ADRA1B: variants seen among roughly 807,000 people sequenced by gnomAD.
The protein encoded by ADRA1B is adrenoceptor alpha 1B, also known as alpha-1B adrenergic receptor.
ADRA1B carries 17 observed loss-of-function variants against 17.9 expected under a neutral mutation model. The ratio of observed to expected loss-of-function variants is 0.95; its 90% CI spans 0.65 to 1.42. The LOEUF is 1.42. Ranked by LOEUF, ADRA1B falls within the 40% of genes most tolerant of loss-of-function variation. The pLI, the probability that ADRA1B is intolerant of heterozygous loss-of-function variation, is 0.00. For missense variants in ADRA1B, 681 were observed against 722.1 expected (o/e 0.94, Z 0.65); for synonymous variants, 366 against 327.6 (o/e 1.12, Z -1.27).
At chr5:159,871,882 T>C (rs1227000996) in intron 1 of ADRA1B, among the ~76,000 whole-genome samples, 1 of 152,192 alleles carries the variant, frequency 6.6e-6, no homozygotes, top group Admixed American at 6.5e-5. Context: ...CAACTTTTAC[T>C]TACATGCTAT....
At chr5:159,950,742 G>T in intron 1 of ADRA1B, 1 of 650,140 alleles carries the variant, frequency 1.5e-6, no homozygotes, top group Non-Finnish European at 2.9e-6. Context: ...CATCATATTT[G>T]GCAGGTTTTT....
the ADRA1B span, among the ~76,000 whole-genome samples, chr5:159,982,947 A>T: frequency 6.6e-6 from 1 of 152,198 alleles, no homozygotes; most frequent in Non-Finnish European, 1.5e-5. Context: ...AGTTACTAAG[A>T]TGCTCTGAAC....
chr5:159,868,747 A>C (rs1753696965), intron 1 of ADRA1B: 1 of 152,186 alleles, frequency 6.6e-6, no homozygotes. Flanking sequence ...TTGTAGGTAC[A>C]ACATCCTTAC....
At position 159,917,827 on chromosome 5, in the gene ADRA1B, C is replaced by A; in HGVS notation, c.922C>A (p.Leu308Ile). ...IVVGMFILCW[L>I]PFFIALPLGS... ...GGTCGGTATGTTCATCTTGTGCTGG[C>A]TACCCTTCTTCATCGCTCTACCGCT... The change falls in exon 1 of 2, where the codon CTA (leucine) becomes ATA (isoleucine). Residue 308 changes from leucine (L) to isoleucine (I), a missense_variant. Physicochemically the swap from Leu to Ile is conservative, Grantham distance 5. This residue lies in a region of ADRA1B where 424 missense variants were observed against 480.2 expected (regional missense o/e 0.88). Transcript: ENST00000306675. The A allele has an allele frequency of 1.2e-6, 2 of 1,610,734 alleles. No homozygotes were observed.
chr5:159,884,706 AT>A (rs767321396), intron 1 of ADRA1B, among the ~76,000 whole-genome samples: 2 of 152,248 alleles, frequency 1.3e-5, no homozygotes, highest in Non-Finnish European at 2.9e-5. Context: ...TTTGAAAAAA[AT>A]GTATCAACTA....
intron 1 of ADRA1B, among the ~76,000 whole-genome samples, chr5:159,880,297 A>C (rs1370319722): frequency 6.6e-6 from 1 of 152,232 alleles, no homozygotes; most frequent in Non-Finnish European, 1.5e-5. Flanking sequence ...GAGAAGAGTA[A>C]AGGAAACATT....
the ADRA1B span, among the ~76,000 whole-genome samples, chr5:159,982,469 C>T: frequency 6.6e-6 from 1 of 152,134 alleles, no homozygotes; most frequent in Non-Finnish European, 1.5e-5. Context: ...AACACTGGGA[C>T]TAAAACCACA....
chr5:159,965,541 A>G (rs1755759533), intron 1 of ADRA1B, among the ~76,000 whole-genome samples: 1 of 152,192 alleles, frequency 6.6e-6, no homozygotes, highest in Non-Finnish European at 1.5e-5. Flanking sequence ...CCTGCCACAC[A>G]TCCTCTTACA....
intron 1 of ADRA1B, among the ~76,000 whole-genome samples, chr5:159,958,123 T>C (rs1755598424): frequency 6.6e-6 from 1 of 152,118 alleles, no homozygotes; most frequent in Admixed American, 6.5e-5. Flanking sequence ...GTGCTTAAAA[T>C]GGTCTTTCTT....
In ADRA1B at chr5:159,972,007, G is replaced by C; in HGVS notation, c.1078G>C (p.Val360Leu). 2 of 1,472,674 alleles carry C rather than the reference G, an allele frequency of 1.4e-6. No individual in the cohort carries two copies. Among genetic ancestry groups the C allele is most frequent in the Non-Finnish European group, 1.8e-6 (2 of 1,105,098 alleles). 91.2% of individuals were successfully genotyped at this position (1,472,674 alleles called of 1,614,324 possible). ...CSSKEFKRAF[V>L]RILGCQCRGR... ...CAGCAAGGAGTTCAAGCGCGCTTTC[G>C]TGCGCATCCTCGGGTGCCAGTGCCG... The change falls in exon 2 of 2, where the codon GTG becomes CTG. Residue 360 changes from valine to leucine, a missense_variant. Coordinates refer to ENST00000306675, the MANE Select transcript of ADRA1B (RefSeq NM_000679.4).
chr5:159,907,929 GTT>G lies in ADRA1B; in HGVS notation c.-255-8188_-255-8187del, dbSNP rs564295514. ...GTCTTTGTCTTTGGCATCTATAGCT[GTT>G]TGTTCTCTCTCTCTCTCTCTCTGTC... is the stretch of plus-strand genomic sequence containing the variant. On this transcript the variant is annotated intron_variant, in intron 1 of 2. Transcript: ENST00000641205. Among the ~76,000 whole-genome samples the G allele has an allele frequency of 5.6e-3, 829 of 148,580 alleles. 8 individuals carry two copies. Among genetic ancestry groups the G allele is most frequent in the African/African-American group, 0.02 (791 of 39,286 alleles).
chr5:159,939,119 C>A (rs188551531), intron 1 of ADRA1B, among the ~76,000 whole-genome samples: 363 of 152,234 alleles, frequency 2.4e-3, no homozygotes, highest in African/African-American at 8.6e-3. Flanking sequence ...CAGCAAGGGG[C>A]AGTGTCCCCA....
At chr5:159,887,628 C>T (rs1344263582) in intron 1 of ADRA1B, among the ~76,000 whole-genome samples, 2 of 152,154 alleles carry the variant, frequency 1.3e-5, no homozygotes, top group Admixed American at 6.5e-5. Context: ...AGCAATGCAT[C>T]GGCATCATAT....
chr5:159,960,483 T>C (rs1755647219), intron 1 of ADRA1B, among the ~76,000 whole-genome samples: 1 of 152,218 alleles, frequency 6.6e-6, no homozygotes, highest in Non-Finnish European at 1.5e-5. Context: ...ACAAAAATAG[T>C]TCTTAAAAGT....
the ADRA1B span, among the ~76,000 whole-genome samples, chr5:159,983,344 G>A: frequency 2.4e-4 from 36 of 152,226 alleles, no homozygotes; most frequent in African/African-American, 7.2e-4. Flanking sequence ...ATCCCCACCC[G>A]GAAAACTCCT....
chr5:159,877,337 C>CGGA (rs1753814280), intron 1 of ADRA1B, among the ~76,000 whole-genome samples: 1 of 152,166 alleles, frequency 6.6e-6, no homozygotes, highest in Non-Finnish European at 1.5e-5. Context: ...CCTCTTCCCT[C>CGGA]CCACTGCACC....
At chr5:159,974,301 G>A (rs1755939420), downstream of ADRA1B, among the ~76,000 whole-genome samples, 1 of 152,128 alleles carries the variant, frequency 6.6e-6, no homozygotes, top group South Asian at 2.1e-4. Flanking sequence ...CCCAAAAGGA[G>A]AAACAAGATT....
rs954777936 is a variant in ADRA1B at position 159,972,626 on chromosome 5, G to A, written c.*134G>A. On this transcript the variant is annotated 3_prime_UTR_variant, in exon 2 of 2. Transcript: ENST00000306675. ...CAAGGGGAACCGGGGGGAGGGCCGG[G>A]GAGAGGGGCAGCTGCTTTTCTGGCA... 1.0e-6 allele frequency: 1 copy of A among 958,186 alleles called. No individual in the cohort carries two copies. The highest frequency in any genetic ancestry group is 1.4e-6 in the Non-Finnish European group (1 of 706,606). 59.4% of individuals were successfully genotyped at this position (958,186 alleles called of 1,614,324 possible).
chr5:159,909,959 A>G (rs1219170795), intron 1 of ADRA1B, among the ~76,000 whole-genome samples: 1 of 152,228 alleles, frequency 6.6e-6, no homozygotes, highest in African/African-American at 2.4e-5. Flanking sequence ...CAAATTCTCA[A>G]TAAGGTCTAG....
Sources: gnomAD v4.1 joint callset for allele counts (sites outside exome capture counted in the v4.1 genomes callset) on GRCh38, gnomAD v4.1.1 for gene constraint, gnomAD v4.1.1 regional missense constraint, MANE v1.5 for transcripts, NCBI Gene and HGNC (gene_info 2026-07-23, HGNC 2026-07-21) for gene names.